Variants in CACNA1D observed in about 807,000 individuals in gnomAD.
CACNA1D encodes the protein calcium voltage-gated channel subunit alpha1 D.
Under a neutral mutation model 257.1 loss-of-function variants are expected in CACNA1D, and 55 were observed. The observed-to-expected ratio is 0.21, with a 90% CI of 0.17 to 0.27. The LOEUF is 0.27. Among genes scored for constraint, CACNA1D ranks in the 10% least tolerant of loss-of-function variants. The pLI is 1.00. For synonymous variants in CACNA1D, 980 were observed against 1,014.9 expected, an observed-to-expected ratio of 0.97 and a Z score of 0.65; for missense variants, 1,876 against 2,784.0, an observed-to-expected ratio of 0.67 and a Z score of 7.34.
chr3:53,570,041 C>T (rs1327682551), intron 3 of CACNA1D, among the ~76,000 whole-genome samples: 2 of 151,868 alleles, frequency 1.3e-5, no homozygotes, highest in African/African-American at 4.8e-5. Context: ...GCTTGCAATT[C>T]AAAACTTTTT....
At chr3:53,729,043 C>T (rs934625782) in intron 15 of CACNA1D, among the ~76,000 whole-genome samples, 4 of 152,160 alleles carry the variant, frequency 2.6e-5, no homozygotes, top group African/African-American at 4.8e-5. Flanking sequence ...ATTGTTTCTT[C>T]ACTGAGATCA....
intron 3 of CACNA1D, among the ~76,000 whole-genome samples, chr3:53,603,361 G>A (rs960485674): frequency 1.3e-5 from 2 of 152,176 alleles, no homozygotes; most frequent in Non-Finnish European, 2.9e-5. Context: ...GATATTAACT[G>A]CTTTACCTTG....
At chr3:53,592,925 G>A (rs1024393387) in intron 3 of CACNA1D, among the ~76,000 whole-genome samples, 53 of 152,296 alleles carry the variant, frequency 3.5e-4, no homozygotes, top group African/African-American at 1.3e-3. Context: ...CTGACCTCAG[G>A]TGATCTGTCC....
intron 40 of CACNA1D, among the ~76,000 whole-genome samples, chr3:53,790,110 G>A (rs959615031): frequency 6.6e-6 from 1 of 152,090 alleles, no homozygotes; most frequent in Non-Finnish European, 1.5e-5. Flanking sequence ...TTCCTCTTGC[G>A]CATCTCCTAC....
At chr3:53,617,822 T>C (rs1452354645) in intron 3 of CACNA1D, among the ~76,000 whole-genome samples, 1 of 152,158 alleles carries the variant, frequency 6.6e-6, no homozygotes, top group East Asian at 1.9e-4. Context: ...GCCTCAAATG[T>C]ACTGGGGGAG....
intron 9 of CACNA1D, among the ~76,000 whole-genome samples, chr3:53,707,816 T>A (rs1194423398): frequency 6.6e-6 from 1 of 151,822 alleles, no homozygotes; most frequent in Non-Finnish European, 1.5e-5. Context: ...GCATTAAAAA[T>A]GAAATCATTT....
intron 3 of CACNA1D, among the ~76,000 whole-genome samples, chr3:53,526,240 A>C (rs1300181828): frequency 6.6e-6 from 1 of 152,210 alleles, no homozygotes; most frequent in Non-Finnish European, 1.5e-5. Context: ...GGGAGGAGCC[A>C]ACTCTACCCT....
Position 53,505,981 on chromosome 3 carries a change from T to A in CACNA1D, c.483+4261T>A, listed in dbSNP as rs116080260. The stretch of plus-strand genomic sequence containing the variant: ...TAACTGGGCTTAAAAATCAAGTCCG[T>A]TGTATCTGCATGGTCACGTAGTTCG... On this transcript the variant is annotated intron_variant, in intron 3 of 47. Transcript: ENST00000350061. Among the ~76,000 whole-genome samples the A allele has an allele frequency of 8.6e-3, 1,304 of 152,302 alleles. 18 individuals carry two copies. Among genetic ancestry groups the A allele is most frequent in the African/African-American group, 0.03 (1,228 of 41,556 alleles).
intron 40 of CACNA1D, 73 bp downstream of exon 40, chr3:53,787,025 T>C (rs2109111051): frequency 6.7e-7 from 1 of 1,491,034 alleles, no homozygotes; most frequent in South Asian, 1.1e-5. Context: ...ACTAGAGAGC[T>C]GCCTATTCAT....
chr3:53,523,126 AT>A (rs1167873288), intron 3 of CACNA1D, among the ~76,000 whole-genome samples: 2 of 152,150 alleles, frequency 1.3e-5, no homozygotes, highest in Non-Finnish European at 2.9e-5. Flanking sequence ...TGGGTACTTC[AT>A]TTTAGAGGCA....
intron 3 of CACNA1D, among the ~76,000 whole-genome samples, chr3:53,524,608 A>G (rs2107381209): frequency 6.6e-6 from 1 of 152,366 alleles, no homozygotes; most frequent in Non-Finnish European, 1.5e-5. Context: ...GACATAGGTC[A>G]GGGGTACATG....
intron 3 of CACNA1D, among the ~76,000 whole-genome samples, chr3:53,617,875 G>A (rs1017075869): frequency 3.3e-5 from 5 of 152,136 alleles, no homozygotes; most frequent in African/African-American, 9.7e-5. Flanking sequence ...CCCTGGACTT[G>A]GAGACCAAAC....
At chr3:53,640,822 A>G (rs965177238) in intron 3 of CACNA1D, among the ~76,000 whole-genome samples, 1 of 152,322 alleles carries the variant, frequency 6.6e-6, no homozygotes, top group Admixed American at 6.5e-5. Flanking sequence ...TCAGGGTGCC[A>G]GGAGAAAGAG....
intron 2 of CACNA1D, among the ~76,000 whole-genome samples, chr3:53,497,864 T>TA (rs1485661790): frequency 6.6e-6 from 1 of 152,222 alleles, no homozygotes; most frequent in Non-Finnish European, 1.5e-5. Context: ...AAAGACTGTA[T>TA]AAGACTCTGT....
Position 53,786,849 on chromosome 3 carries a change from A to G in CACNA1D, c.4820A>G (p.Tyr1607Cys), listed in dbSNP as rs1278797586. The G allele has an allele frequency of 6.2e-7, 1 of 1,613,550 alleles. No homozygotes were observed. Among genetic ancestry groups the G allele is most frequent in the South Asian group, 1.1e-5 (1 of 91,052 alleles). ...GDDEVTVGKF[Y>C]ATFLIQDYFR... Reference sequence around the variant, plus strand: ...GATGAGGTAACCGTGGGGAAGTTCTATGCCACTTTCCTGATACAGGACTAC... The same window carrying G: ...GATGAGGTAACCGTGGGGAAGTTCTGTGCCACTTTCCTGATACAGGACTAC... Residue 1607 changes from tyrosine (Y) to cysteine (C), a missense_variant, in exon 40 of 48, where the codon TAT becomes TGT. Transcript: ENST00000350061.
At chr3:53,531,721 A>G (rs1034357510) in intron 3 of CACNA1D, among the ~76,000 whole-genome samples, 1 of 152,194 alleles carries the variant, frequency 6.6e-6, no homozygotes, top group African/African-American at 2.4e-5. Context: ...TGGTTTCTGT[A>G]TCTCAACTTT....
chr3:53,536,138 T>C (rs993214503), intron 3 of CACNA1D, among the ~76,000 whole-genome samples: 1 of 152,226 alleles, frequency 6.6e-6, no homozygotes, highest in African/African-American at 2.4e-5. Context: ...CTTAACTATA[T>C]TGTTTTCATG....
intron 3 of CACNA1D, among the ~76,000 whole-genome samples, chr3:53,638,440 A>G (rs557248549): frequency 6.6e-6 from 1 of 152,346 alleles, no homozygotes; most frequent in South Asian, 2.1e-4. Flanking sequence ...ACCGGGCACC[A>G]TGCTGTTCCT....
chr3:53,725,375 T>C (rs2108733254), intron 14 of CACNA1D, among the ~76,000 whole-genome samples: 1 of 152,296 alleles, frequency 6.6e-6, no homozygotes, highest in Non-Finnish European at 1.5e-5. Flanking sequence ...TTGAGTTCTG[T>C]CTGGTCTTAG....
Sources: gnomAD v4.1 joint callset for allele counts (sites outside exome capture counted in the v4.1 genomes callset) on GRCh38, gnomAD v4.1.1 for gene constraint, MANE v1.5 for transcripts, NCBI Gene and HGNC (gene_info 2026-07-23, HGNC 2026-07-21) for gene names.